SDK2: variants seen among roughly 807,000 people sequenced by gnomAD.
SDK2 encodes protein sidekick-2.
A neutral mutation model predicts 253.9 loss-of-function variants in SDK2; 105 were observed. The observed-to-expected ratio is 0.41, with a 90% CI of 0.35 to 0.49. The LOEUF (loss-of-function observed/expected upper bound fraction) is 0.49, where lower values mean the gene tolerates loss of function less well. Among genes scored for constraint, SDK2 ranks in the 20% least tolerant of loss-of-function variants. The probability of loss-of-function intolerance (pLI) is 0.06; values close to 1 mark genes in which losing one functional copy is unlikely to be tolerated. For missense variants in SDK2, 2,608 were observed against 3,003.0 expected (o/e 0.87, Z 3.07); for synonymous variants, 1,249 against 1,234.9 (o/e 1.01, Z -0.24).
intron 25 of SDK2, 54 bp from the exon 26 acceptor site, chr17:73,394,378 C>A: frequency 1.6e-6 from 2 of 1,244,324 alleles, no homozygotes; most frequent in Admixed American, 2.5e-5. Context: ...GTTGACTGTG[C>A]AAGGGAAGTG....
chr17:73,437,686 A>T, intron 8 of SDK2, 53 bp downstream of exon 8: 1 of 1,387,254 alleles, frequency 7.2e-7, no homozygotes, highest in South Asian at 1.2e-5. Context: ...TGAGGATGGG[A>T]GAGGCTGAAG....
intron 1 of SDK2, among the ~76,000 whole-genome samples, chr17:73,533,676 G>GCCCCCCCCCCCCCCCCCCCCCCC (rs1314259475): frequency 2.2e-5 from 1 of 45,722 alleles, no homozygotes; most frequent in African/African-American, 7.5e-5. Context: ...CCCTCCCCCA[G>GCCCCCCCCCCCCCCCCCCCCCCC]CCCCCCACCC....
intron 1 of SDK2, among the ~76,000 whole-genome samples, chr17:73,600,191 G>A (rs114992434): frequency 1.3e-5 from 2 of 152,080 alleles, no homozygotes; most frequent in Non-Finnish European, 2.9e-5. Context: ...TGCAGCTCCC[G>A]CCACTTCCTC....
At chr17:73,391,393 C>A (rs746475465) in intron 28 of SDK2, 47 bp downstream of exon 28, 17 of 1,150,374 alleles carry the variant, frequency 1.5e-5, no homozygotes, top group African/African-American at 3.2e-5. Flanking sequence ...CAGCTCATGC[C>A]TCTTCCTTCT....
intron 1 of SDK2, among the ~76,000 whole-genome samples, chr17:73,623,992 C>T (rs1322661831): frequency 6.6e-6 from 1 of 152,212 alleles, no homozygotes; most frequent in Non-Finnish European, 1.5e-5. Flanking sequence ...GGTTGTTTTT[C>T]CAGGAGGAGG....
intron 1 of SDK2, among the ~76,000 whole-genome samples, chr17:73,551,266 C>A (rs933204044): frequency 6.6e-6 from 1 of 152,278 alleles, no homozygotes; most frequent in Middle Eastern, 3.4e-3. Flanking sequence ...AATGCCCACA[C>A]GCTCCCACCC....
intron 1 of SDK2, among the ~76,000 whole-genome samples, chr17:73,621,386 G>T (rs2046130991): frequency 6.6e-6 from 1 of 152,236 alleles, no homozygotes; most frequent in South Asian, 2.1e-4. Flanking sequence ...CAATGCCCAA[G>T]ATATATTCAA....
chr17:73,485,903 G>T (rs1444699185), intron 2 of SDK2, among the ~76,000 whole-genome samples: 1 of 152,208 alleles, frequency 6.6e-6, no homozygotes, highest in East Asian at 1.9e-4. Flanking sequence ...TGCAAAATAG[G>T]CAGGTTTACA....
At chr17:73,393,791 C>A in intron 26 of SDK2, 42 bp from the exon 27 acceptor site, 1 of 1,446,232 alleles carries the variant, frequency 6.9e-7, no homozygotes, top group South Asian at 1.5e-5. Context: ...AGGCCTGCAT[C>A]TCACCCATCT....
At chr17:73,469,711 C>T (rs971634343) in intron 3 of SDK2, among the ~76,000 whole-genome samples, 2 of 152,108 alleles carry the variant, frequency 1.3e-5, no homozygotes, top group Non-Finnish European at 2.9e-5. Context: ...AAGGAGTTTG[C>T]CTAAGGAGGG....
chr17:73,612,182 T>G lies in SDK2; in HGVS notation c.64+31843A>C, dbSNP rs545000826. ...TGCAGCCTCTTCAAGCGAGGAAAGATAAATGCAAGTACACCACAGTGGTGG... is the reference window on the plus strand; with the variant it reads ...TGCAGCCTCTTCAAGCGAGGAAAGAGAAATGCAAGTACACCACAGTGGTGG... On this transcript the variant is annotated intron_variant, in intron 1 of 44. Transcript: ENST00000392650. The surrounding 1 kb of genome is among the most constrained non-coding windows in gnomAD (Gnocchi z 4.4). 5.6e-4 allele frequency among the ~76,000 whole-genome samples: 85 copies of G among 152,302 alleles called. No homozygotes were observed. Among genetic ancestry groups the G allele is most frequent in the Non-Finnish European group, 1.3e-4 (9 of 68,022 alleles).
chr17:73,376,488 C>T (rs961537604), intron 36 of SDK2, among the ~76,000 whole-genome samples: 1 of 152,182 alleles, frequency 6.6e-6, no homozygotes, highest in East Asian at 1.9e-4. Context: ...GAAGTTAATG[C>T]GTCACTGATG....
At chr17:73,500,022 C>T (rs945378196) in intron 2 of SDK2, among the ~76,000 whole-genome samples, 4 of 152,086 alleles carry the variant, frequency 2.6e-5, no homozygotes, top group Non-Finnish European at 5.9e-5. Flanking sequence ...TGGTTGATGA[C>T]GTTGCCAGGG....
intron 44 of SDK2, among the ~76,000 whole-genome samples, chr17:73,342,125 C>T (rs911450744): frequency 5.9e-5 from 9 of 151,420 alleles, no homozygotes; most frequent in Admixed American, 4.0e-4. Context: ...ATTAAATACT[C>T]CCTAGTCCAT....
In SDK2 at chr17:73,365,414, G is replaced by A. The variant is rs369480297; in HGVS notation, c.5168-19C>T. Reference sequence around the variant, plus strand: ...CTGGGGGCTGCGGGAGACAGCAAAGGGTTTTTGTTTCCTTCTTCTGTGGAA... The same window carrying A: ...CTGGGGGCTGCGGGAGACAGCAAAGAGTTTTTGTTTCCTTCTTCTGTGGAA... On this transcript the variant is annotated intron_variant, in intron 37 of 44. Transcript: ENST00000392650. 32 of 1,588,312 alleles carry A rather than the reference G, an allele frequency of 2.0e-5. 1 individual carries two copies. The South Asian group carries it at 2.6e-4, about 13-fold the overall frequency.
chr17:73,395,519 T>C lies in SDK2; in HGVS notation c.3355-127A>G. On this transcript the variant is annotated intron_variant, in intron 24 of 44. Transcript: ENST00000392650. This position sits in a 1 kb window ranked among gnomAD's most constrained non-coding sequence, Gnocchi z 4.3. ...ATCCATCCCACTGTCACCCGGTCAG[T>C]GTCCACATGAGGCTCTCTCACCCGA... The C allele has an allele frequency of 1.5e-6, 1 of 685,222 alleles. No homozygotes were observed. Among genetic ancestry groups the C allele is most frequent in the Non-Finnish European group, 2.5e-6 (1 of 398,706 alleles). The allele number at this position is 685,222 out of a possible 1,614,324, so 42.4% of individuals were successfully genotyped here.
At chr17:73,411,443 TG>T (rs1376622311) in intron 18 of SDK2, among the ~76,000 whole-genome samples, 1 of 152,130 alleles carries the variant, frequency 6.6e-6, no homozygotes, top group Non-Finnish European at 1.5e-5. Context: ...ATGCGTTCCC[TG>T]GACTGAAGCT....
In SDK2 at chr17:73,616,038, CACAT is replaced by C. The variant is rs927498518; in HGVS notation, c.64+27983_64+27986del. Among the ~76,000 whole-genome samples the C allele has an allele frequency of 2.0e-5, 3 of 152,126 alleles. No individual in the cohort carries two copies. Among genetic ancestry groups the C allele is most frequent in the Admixed American group, 6.5e-5 (1 of 15,268 alleles). Reference sequence around the variant, plus strand: ...ACACATATGCATATACACATGAACACACATACACACACGTACACACACATACATA... The same window carrying C: ...ACACATATGCATATACACATGAACACACACACACGTACACACACATACATA... On this transcript the variant is annotated intron_variant, in intron 1 of 44. Coordinates refer to ENST00000392650, the MANE Select transcript of SDK2 (RefSeq NM_001144952.2). This position sits in a 1 kb window ranked among gnomAD's most constrained non-coding sequence, Gnocchi z 5.2.
chr17:73,483,681 ATTTATATATATATATATATATATATATTT>A (rs1202450559), intron 2 of SDK2, among the ~76,000 whole-genome samples: 4 of 55,552 alleles, frequency 7.2e-5, no homozygotes, highest in Admixed American at 2.6e-4. Flanking sequence ...ATATATATAT[ATTTATATATATATATATATATATATATTT>A]TTTTTTTTTT....
Sources: allele counts gnomAD v4.1 joint callset (sites outside exome capture counted in the v4.1 genomes callset), GRCh38; gene constraint gnomAD v4.1.1; non-coding constraint Gnocchi (gnomAD v3.1); transcripts MANE v1.5; gene names NCBI Gene and HGNC (gene_info 2026-07-23, HGNC 2026-07-21).